Variants in SDR42E1 observed in about 807,000 individuals in gnomAD.
The protein encoded by SDR42E1 is short chain dehydrogenase/reductase family 42E, member 1, also known as short-chain dehydrogenase/reductase family 42E member 1.
In SDR42E1, 5 loss-of-function variants were observed where a neutral mutation model predicts 2.6. The observed-to-expected ratio is 1.94, with a 90% CI of 1.01 to 4.08. SDR42E1 has a LOEUF of 4.08. SDR42E1 is among the 30% of genes most tolerant of loss of function. The probability of loss-of-function intolerance (pLI) is 0.00; values close to 1 mark genes in which losing one functional copy is unlikely to be tolerated. For synonymous variants in SDR42E1, 231 were observed against 188.3 expected (o/e 1.23, Z -1.86); for missense variants, 596 against 478.6 (o/e 1.25, Z -2.29).
rs1266107136 is a variant in SDR42E1 at position 81,999,509 on chromosome 16, T to C, written c.784A>G (p.Asn262Asp). 28 of 1,613,992 alleles carry C rather than the reference T, an allele frequency of 1.7e-5. No individual in the cohort carries two copies. Among genetic ancestry groups the C allele is most frequent in the Non-Finnish European group, 2.2e-5 (26 of 1,180,018 alleles). Reference protein sequence around the residue: ...YFISDGRPVNNFEFFRPLVEG... With the variant: ...YFISDGRPVNDFEFFRPLVEG... ...ACCAGAGGCCGGAAGAACTCAAAGT[T>C]GTTCACGGGTCTGCCATCTGAGATG... is the stretch of plus-strand genomic sequence containing the variant. The change falls in exon 3 of 3, where the codon AAC becomes GAC. Residue 262 changes from asparagine to aspartate, a missense_variant. Transcript: ENST00000328945.
Position 81,991,405 on chromosome 16 carries a change from TA to T in SDR42E1, c.*7705del. 6.6e-6 allele frequency: 1 copy of T among 152,256 alleles called. No individual in the cohort carries two copies. Among genetic ancestry groups the T allele is most frequent in the East Asian group, 1.9e-4 (1 of 5,180 alleles). 9.4% of individuals were successfully genotyped at this position (152,256 alleles called of 1,614,324 possible). On this transcript the variant is annotated 3_prime_UTR_variant, in exon 3 of 3. Transcript: ENST00000328945. Reference sequence around the variant, plus strand: ...CTTGAATAATGTCATGCTAACGTGATAAAACCACCTCCAACAAGGTAAGAGT... The same window carrying T: ...CTTGAATAATGTCATGCTAACGTGATAAACCACCTCCAACAAGGTAAGAGT...
intron 1 of SDR42E1, among the ~76,000 whole-genome samples, chr16:82,003,928 T>C (rs1226401392): frequency 1.3e-5 from 2 of 152,174 alleles, no homozygotes; most frequent in African/African-American, 4.8e-5. Flanking sequence ...TCAGTAAAAT[T>C]GTGATGGGCA....
At position 81,997,622 on chromosome 16, in the gene SDR42E1, C is replaced by A. The variant is rs1912572911; in HGVS notation, c.*1489G>T. The A allele has an allele frequency of 6.6e-6, 1 of 152,210 alleles. No homozygotes were observed. The highest frequency in any genetic ancestry group is 2.1e-4 in the South Asian group (1 of 4,832). 9.4% of individuals were successfully genotyped at this position (152,210 alleles called of 1,614,324 possible). Reference sequence around the variant, plus strand: ...CAGAAAAGACTCCAAACACGTTTTCCTAAAAACAATCACTACCATCACCTC... The same window carrying A: ...CAGAAAAGACTCCAAACACGTTTTCATAAAAACAATCACTACCATCACCTC... On this transcript the variant is annotated 3_prime_UTR_variant, in exon 3 of 3. Transcript: ENST00000328945.
In SDR42E1 at chr16:82,000,247, T is replaced by C. The variant is rs75829325; in HGVS notation, c.69-23A>G. On this transcript the variant is annotated intron_variant, in intron 2 of 2. Transcript: ENST00000328945. ...AGGCTGAAATAAGAAACAGTAAACG[T>C]TGAATCAAGTCACTCTTAAGCTGTG... is the stretch of plus-strand genomic sequence containing the variant. 2.4e-4 allele frequency: 392 copies of C among 1,600,576 alleles called. No individual in the cohort carries two copies. The African/African-American group carries it at 4.6e-3, about 19-fold the overall frequency.
chr16:82,009,790 G>C (rs1913066507), intron 1 of SDR42E1, among the ~76,000 whole-genome samples: 2 of 152,222 alleles, frequency 1.3e-5, no homozygotes, highest in South Asian at 4.1e-4. Context: ...GTGAGGGCAT[G>C]AGATTTGGGA....
At position 81,995,944 on chromosome 16, in the gene SDR42E1, A is replaced by C. The variant is rs1454877034; in HGVS notation, c.*3167T>G. On this transcript the variant is annotated 3_prime_UTR_variant, in exon 3 of 3. Coordinates refer to ENST00000328945, the MANE Select transcript of SDR42E1 (RefSeq NM_145168.3). ...AATCTTAAATTGCTGGGATCAGTGAAGGCCTCTAGAAAGAGACTTAACAAG... is the reference window on the plus strand; with the variant it reads ...AATCTTAAATTGCTGGGATCAGTGACGGCCTCTAGAAAGAGACTTAACAAG... 1 of 152,226 alleles carries C rather than the reference A, an allele frequency of 6.6e-6. No homozygotes were observed. Among genetic ancestry groups the C allele is most frequent in the Non-Finnish European group, 1.5e-5 (1 of 68,046 alleles). 9.4% of individuals were successfully genotyped at this position (152,226 alleles called of 1,614,324 possible). A position where few individuals can be genotyped will look rare whatever the true frequency, so the allele number is the denominator to read the frequency against.
rs555307239 is a variant in SDR42E1, at chr16:81,990,333, T to G, written c.*8778A>C. ...AAAAGAAAAGCCACGGTAAATAAAC[T>G]AATACCTGTTATATGGCAGGAAATC... On this transcript the variant is annotated 3_prime_UTR_variant, in exon 3 of 3. Transcript: ENST00000328945. 5.3e-5 allele frequency: 8 copies of G among 152,268 alleles called. No individual in the cohort carries two copies. The highest frequency in any genetic ancestry group is 1.7e-4 in the African/African-American group (7 of 41,550). 9.4% of individuals were successfully genotyped at this position (152,268 alleles called of 1,614,324 possible).
chr16:82,008,433 G>C (rs1913019681), intron 1 of SDR42E1, among the ~76,000 whole-genome samples: 1 of 152,232 alleles, frequency 6.6e-6, no homozygotes, highest in African/African-American at 2.4e-5. Context: ...GAACTTCCTA[G>C]AGACTTGTTG....
chr16:81,999,379 TAG>T lies in SDR42E1; in HGVS notation c.912_913del (p.Tyr305GlnfsTer10), dbSNP rs750438318. ...GCGAGTGAGGAAGGGCTGGAAGTTG[TAG>T]AGTCGACCCAAAATGAAGTGAACCA... On this transcript the variant is annotated frameshift_variant, in exon 3 of 3. Transcript: ENST00000328945. LOFTEE classifies it low-confidence loss of function (END_TRUNC). 30 of 1,614,218 alleles carry T rather than the reference TAG, an allele frequency of 1.9e-5. No individual in the cohort carries two copies. The highest frequency in any genetic ancestry group is 2.2e-5 in the Non-Finnish European group (26 of 1,180,046).
rs1209832384 is a variant in SDR42E1, at chr16:82,000,134, A to G, written c.159T>C (p.Phe53=). 1 of 1,614,212 alleles carries G rather than the reference A, an allele frequency of 6.2e-7. No individual in the cohort carries two copies. The highest frequency in any genetic ancestry group is 8.5e-7 in the Non-Finnish European group (1 of 1,180,032). ...PAQTIPEGIK[F]IQGDIRHLSD... ...ACAGGTGGCGGATGTCTCCTTGTAT[A>G]AACTTGATTCCTTCTGGAATGGTTT... Residue 53 remains phenylalanine, a synonymous_variant, in exon 3 of 3, where the codon TTT becomes TTC. Coordinates refer to ENST00000328945, the MANE Select transcript of SDR42E1 (RefSeq NM_145168.3).
intron 1 of SDR42E1, among the ~76,000 whole-genome samples, chr16:82,010,663 C>A (rs1419171878): frequency 6.6e-6 from 1 of 152,162 alleles, no homozygotes; most frequent in South Asian, 2.1e-4. Context: ...CTCCCCGTTT[C>A]GAGTTGTCCC....
At position 81,992,774 on chromosome 16, in the gene SDR42E1, C is replaced by T. The variant is rs1035990301; in HGVS notation, c.*6337G>A. ...TTTCTTTGTAGTGAACTAGATTTGG[C>T]CTCGGTCATAATTACTTGAGTTCAA... On this transcript the variant is annotated 3_prime_UTR_variant, in exon 3 of 3. Coordinates refer to ENST00000328945, the MANE Select transcript of SDR42E1 (RefSeq NM_145168.3). 9.9e-5 allele frequency: 15 copies of T among 151,964 alleles called. No homozygotes were observed. The highest frequency in any genetic ancestry group is 3.6e-4 in the African/African-American group (15 of 41,372). The allele number at this position is 151,964 out of a possible 1,614,324, so 9.4% of individuals were successfully genotyped here.
intron 1 of SDR42E1, among the ~76,000 whole-genome samples, chr16:82,004,246 T>C (rs1912861109): frequency 6.6e-6 from 1 of 151,938 alleles, no homozygotes; most frequent in African/African-American, 2.4e-5. Flanking sequence ...CAGGAAGAGA[T>C]CATGGGAGAG....
At chr16:82,005,174 G>C (rs1912894112) in intron 1 of SDR42E1, among the ~76,000 whole-genome samples, 1 of 152,122 alleles carries the variant, frequency 6.6e-6, no homozygotes. Flanking sequence ...AAGACCATAG[G>C]TCAATCATGG....
chr16:81,993,913 A>AT lies in SDR42E1; in HGVS notation c.*5197dup, dbSNP rs1567560713. On this transcript the variant is annotated 3_prime_UTR_variant, in exon 3 of 3. Transcript: ENST00000328945. ...GATTCTAGAAAAGGAAATCAATCTCATTTTTTAAGAAAAACTCCAGCAAAT... is the reference window on the plus strand; with the variant it reads ...GATTCTAGAAAAGGAAATCAATCTCATTTTTTTAAGAAAAACTCCAGCAAAT... 6.6e-6 allele frequency: 1 copy of AT among 152,120 alleles called. No individual in the cohort carries two copies. Among genetic ancestry groups the AT allele is most frequent in the Non-Finnish European group, 1.5e-5 (1 of 68,020 alleles). 9.4% of individuals were successfully genotyped at this position (152,120 alleles called of 1,614,324 possible). A position where few individuals can be genotyped will look rare whatever the true frequency, so the allele number is the denominator to read the frequency against.
intron 1 of SDR42E1, among the ~76,000 whole-genome samples, chr16:82,001,332 C>T (rs548481779): frequency 1.1e-4 from 16 of 152,172 alleles, no homozygotes; most frequent in South Asian, 2.1e-4. Flanking sequence ...TTTAAAATTT[C>T]GCACTGCAGC....
At position 81,990,106 on chromosome 16, in the gene SDR42E1, G is replaced by A. The variant is rs1418459815; in HGVS notation, c.*9005C>T. On this transcript the variant is annotated 3_prime_UTR_variant, in exon 3 of 3. Transcript: ENST00000328945. ...GAAGGAGGATCACCTAAGGCCAGGA[G>A]TTTGAGACCAGCCTGGGCAAAACGG... 6.6e-6 allele frequency: 1 copy of A among 152,310 alleles called. No homozygotes were observed. Among genetic ancestry groups the A allele is most frequent in the Non-Finnish European group, 1.5e-5 (1 of 68,142 alleles). The allele number at this position is 152,310 out of a possible 1,614,324, so 9.4% of individuals were successfully genotyped here.
intron 1 of SDR42E1, among the ~76,000 whole-genome samples, chr16:82,001,833 C>A (rs935816219): frequency 1.4e-5 from 2 of 147,632 alleles, no homozygotes; most frequent in Non-Finnish European, 3.0e-5. Flanking sequence ...ACCCAGGAGG[C>A]GTAGCTGGCA....
At position 81,990,112 on chromosome 16, in the gene SDR42E1, G is replaced by A. The variant is rs1215963752; in HGVS notation, c.*8999C>T. 6.6e-6 allele frequency: 1 copy of A among 152,284 alleles called. No individual in the cohort carries two copies. The highest frequency in any genetic ancestry group is 1.5e-5 in the Non-Finnish European group (1 of 68,148). The allele number at this position is 152,284 out of a possible 1,614,324, so 9.4% of individuals were successfully genotyped here. ...GGATCACCTAAGGCCAGGAGTTTGA[G>A]ACCAGCCTGGGCAAAACGGTGAGAC... On this transcript the variant is annotated 3_prime_UTR_variant, in exon 3 of 3. Coordinates refer to ENST00000328945, the MANE Select transcript of SDR42E1 (RefSeq NM_145168.3).
Sources: gnomAD v4.1 joint callset for allele counts (sites outside exome capture counted in the v4.1 genomes callset) on GRCh38, gnomAD v4.1.1 for gene constraint, MANE v1.5 for transcripts, NCBI Gene and HGNC (gene_info 2026-07-23, HGNC 2026-07-21) for gene names.